Variants in SEC31A observed in about 807,000 individuals in gnomAD.
SEC31A encodes the protein protein transport protein Sec31A.
SEC31A carries 70 observed loss-of-function variants against 151.0 expected under a neutral mutation model. The ratio of observed to expected loss-of-function variants is 0.46; its 90% confidence interval spans 0.38 to 0.57. The LOEUF (loss-of-function observed/expected upper bound fraction) is 0.57, where lower values mean the gene tolerates loss of function less well. Ranked by LOEUF, SEC31A falls within the 20% of genes least tolerant of loss-of-function variation. The pLI is 0.00. For synonymous variants in SEC31A, 475 were observed against 505.9 expected, an observed-to-expected ratio of 0.94 and a Z score of 0.82; for missense variants, 1,330 against 1,471.2, an observed-to-expected ratio of 0.90 and a Z score of 1.57.
At chr4:82,837,200 A>ATATATT (rs139700046) in intron 22 of SEC31A, among the ~76,000 whole-genome samples, 1 of 7,202 alleles carries the variant, frequency 1.4e-4, no homozygotes, top group South Asian at 5.6e-3. Flanking sequence ...TATATATATA[A>ATATATT]TTTCACCACA....
chr4:82,861,631 C>G lies in SEC31A; in HGVS notation c.1626G>C (p.Glu542Asp), dbSNP rs1261597569. The change falls in exon 14 of 27, where the codon GAG (glutamate) becomes GAC (aspartate). Residue 542 changes from glutamate to aspartate, a missense_variant and splice_region_variant. By Grantham distance (45) the Glu-to-Asp change is conservative. Coordinates refer to ENST00000395310, the MANE Select transcript of SEC31A (RefSeq NM_001077207.4). ...SPAAEEQLLG[E>D]HIKEEKEESE... ...TATAATATGAAAAAAAAATAAGTAC[C>G]TCTCCCAAGAGCTGCTCTTCAGCAG... is the stretch of plus-strand genomic sequence containing the variant. 1 of 1,595,932 alleles carries G rather than the reference C, an allele frequency of 6.3e-7. No homozygotes were observed. Among genetic ancestry groups the G allele is most frequent in the Non-Finnish European group, 8.6e-7 (1 of 1,167,440 alleles).
In SEC31A at chr4:82,848,838, A is replaced by T. The variant is rs750849638; in HGVS notation, c.2468T>A (p.Met823Lys). 120 of 1,613,840 alleles carry T rather than the reference A, an allele frequency of 7.4e-5. No individual in the cohort carries two copies. The highest frequency in any genetic ancestry group is 1.0e-4 in the Non-Finnish European group (118 of 1,179,968). Residue 823 changes from methionine (M) to lysine (K), a missense_variant, in exon 20 of 27, where the codon ATG becomes AAG. Coordinates refer to ENST00000395310, the MANE Select transcript of SEC31A (RefSeq NM_001077207.4). Reference sequence around the variant, plus strand: ...ATATTGTTGAGTTTGAACTCTTGGCATCTGGTGGTGGCCAGCAACTGGTCC... The same window carrying T: ...ATATTGTTGAGTTTGAACTCTTGGCTTCTGGTGGTGGCCAGCAACTGGTCC... ...RPGPVAGHHQ[M>K]PRVQTQQYYP...
intron 8 of SEC31A, 111 bp downstream of exon 8, chr4:82,870,214 C>T: frequency 1.3e-6 from 1 of 761,982 alleles, no homozygotes; most frequent in Non-Finnish European, 2.2e-6. Flanking sequence ...CACACGTCCA[C>T]ATACTCTTCA....
chr4:82,865,812 C>T (rs1735242788), intron 10 of SEC31A, among the ~76,000 whole-genome samples: 1 of 151,910 alleles, frequency 6.6e-6, no homozygotes, highest in Non-Finnish European at 1.5e-5. Flanking sequence ...TGTTCAAGGG[C>T]ACAGAGTTTC....
chr4:82,854,362 T>TC lies in SEC31A; in HGVS notation c.2008+540dup, dbSNP rs1198730948. ...TGGGCAATAAGAGCAAAACTCCGTC[T>TC]CCAAAAAAAAAAAAAAAAGCAGTTA... On this transcript the variant is annotated intron_variant, in intron 17 of 26. Transcript: ENST00000395310. 1.9e-4 allele frequency among the ~76,000 whole-genome samples: 5 copies of TC among 25,788 alleles called. No homozygotes were observed. The Admixed American group carries it at 2.6e-3, about 13-fold the overall frequency. 16.9% of individuals were successfully genotyped at this position (25,788 alleles called of 152,430 possible).
At position 82,842,444 on chromosome 4, in the gene SEC31A, C is replaced by T; in HGVS notation, c.2664G>A (p.Gly888=). The change falls in exon 22 of 27, where the codon GGG becomes GGA. Residue 888 remains glycine (G), a synonymous_variant. Coordinates refer to ENST00000395310, the MANE Select transcript of SEC31A (RefSeq NM_001077207.4). ...QPAQPYPFGT[G]GSAMYRPQQP... ...GCTGAGGTCGATACATTGCTGACCC[C>T]CCTGTTCCGAAGGGATACGGCTGGG... The T allele has an allele frequency of 1.2e-6, 2 of 1,613,526 alleles. No individual in the cohort carries two copies. The highest frequency in any genetic ancestry group is 1.6e-4 in the Middle Eastern group (1 of 6,062).
chr4:82,832,270 T>C (rs1726121514), intron 22 of SEC31A, among the ~76,000 whole-genome samples: 1 of 152,156 alleles, frequency 6.6e-6, no homozygotes, highest in South Asian at 2.1e-4. Context: ...TACCAGCATC[T>C]GATATTTGAC....
At chr4:82,893,671 A>C (rs1225851799), upstream of SEC31A, 1 of 152,240 alleles carries the variant, frequency 6.6e-6, no homozygotes, top group African/African-American at 2.4e-5. Flanking sequence ...CAACATGAGT[A>C]GTCACAGAAT....
At chr4:82,891,000 A>C (rs1719631216) in intron 1 of SEC31A, 88 bp downstream of exon 1, 1 of 1,519,026 alleles carries the variant, frequency 6.6e-7, no homozygotes, top group African/African-American at 1.4e-5. Flanking sequence ...GGCAGCGGAG[A>C]CCCAGGCTGC....
chr4:82,882,144 C>T (rs997151883), intron 1 of SEC31A, among the ~76,000 whole-genome samples: 2 of 152,318 alleles, frequency 1.3e-5, no homozygotes, highest in Admixed American at 1.3e-4. Flanking sequence ...TGGCTCATGC[C>T]TGTAATCCCA....
chr4:82,888,050 C>CAAAT (rs770203297), intron 1 of SEC31A, among the ~76,000 whole-genome samples: 15 of 53,006 alleles, frequency 2.8e-4, no homozygotes, highest in African/African-American at 4.6e-4. Flanking sequence ...TGTCTCAAAA[C>CAAAT]AAACAAACAA....
intron 10 of SEC31A, among the ~76,000 whole-genome samples, chr4:82,864,829 G>A (rs537015470): frequency 6.6e-6 from 1 of 151,544 alleles, no homozygotes; most frequent in Non-Finnish European, 1.5e-5. Context: ...AGGCTGGAGT[G>A]CAAAGGTGGG....
intron 1 of SEC31A, among the ~76,000 whole-genome samples, chr4:82,889,855 T>C (rs1741889092): frequency 6.6e-6 from 1 of 152,048 alleles, no homozygotes; most frequent in Non-Finnish European, 1.5e-5. Flanking sequence ...TATCCAAAAG[T>C]TCTTAAGAGT....
Position 82,827,398 on chromosome 4 carries a change from G to C in SEC31A, c.3262C>G (p.Pro1088Ala). 2 of 1,614,184 alleles carry C rather than the reference G, an allele frequency of 1.2e-6. No individual in the cohort carries two copies. Among genetic ancestry groups the C allele is most frequent in the Non-Finnish European group, 1.7e-6 (2 of 1,180,002 alleles). The change falls in exon 24 of 27, where the codon CCA becomes GCA. Residue 1088 changes from proline (P) to alanine (A), a missense_variant. Physicochemically the swap from Pro to Ala is conservative, Grantham distance 27. Coordinates refer to ENST00000395310, the MANE Select transcript of SEC31A (RefSeq NM_001077207.4). Reference sequence around the variant, plus strand: ...AAGGTATTTCCAATAGGAGCCCCTGGGGCACCTTCAATATTGGGCTTTGAA... The same window carrying C: ...AAGGTATTTCCAATAGGAGCCCCTGCGGCACCTTCAATATTGGGCTTTGAA... ...SFSKPNIEGA[P>A]GAPIGNTFQH...
At chr4:82,827,125 T>A (rs1284222381) in intron 24 of SEC31A, among the ~76,000 whole-genome samples, 1 of 152,242 alleles carries the variant, frequency 6.6e-6, no homozygotes, top group Non-Finnish European at 1.5e-5. Flanking sequence ...AGCTACTGAC[T>A]AAGCCAAGTT....
At position 82,861,905 on chromosome 4, in the gene SEC31A, C is replaced by CTTTTT. The variant is rs33968103; in HGVS notation, c.1549-202_1549-198dup. 9.4e-4 allele frequency: 84 copies of CTTTTT among 89,692 alleles called. 6 individuals carry two copies. Among genetic ancestry groups the CTTTTT allele is most frequent in the Middle Eastern group, 7.7e-3 (1 of 130 alleles). 5.6% of individuals were successfully genotyped at this position (89,692 alleles called of 1,614,324 possible). ...CTATTACTGCTAACACTTTCCCATTCTTTTTTTTTTTTTTTTTTTTTTTTT... is the reference window on the plus strand; with the variant it reads ...CTATTACTGCTAACACTTTCCCATTCTTTTTTTTTTTTTTTTTTTTTTTTTTTTTT... On this transcript the variant is annotated intron_variant, in intron 13 of 26. Coordinates refer to ENST00000395310, the MANE Select transcript of SEC31A (RefSeq NM_001077207.4).
intron 1 of SEC31A, among the ~76,000 whole-genome samples, chr4:82,885,459 C>T (rs920110575): frequency 5.3e-5 from 8 of 152,028 alleles, no homozygotes; most frequent in African/African-American, 1.9e-4. Flanking sequence ...AAATATTTTA[C>T]TTAATACCAT....
At chr4:82,832,683 A>G (rs1168135219) in intron 22 of SEC31A, among the ~76,000 whole-genome samples, 3 of 152,244 alleles carry the variant, frequency 2.0e-5, no homozygotes, top group Non-Finnish European at 4.4e-5. Flanking sequence ...TCCAGAATCT[A>G]CAAAGAACTT....
intron 22 of SEC31A, among the ~76,000 whole-genome samples, chr4:82,830,555 AAG>A (rs1265844036): frequency 6.6e-6 from 1 of 152,228 alleles, no homozygotes; most frequent in Admixed American, 6.5e-5. Context: ...CAAAACAGTC[AAG>A]AGTTAACCAC....
Sources: gnomAD v4.1 joint callset for allele counts (sites outside exome capture counted in the v4.1 genomes callset) on GRCh38, gnomAD v4.1.1 for gene constraint, MANE v1.5 for transcripts, NCBI Gene and HGNC (gene_info 2026-07-23, HGNC 2026-07-21) for gene names.